The following PFDN2 variants were observed in gnomAD, a reference collection of about 807,000 sequenced individuals.
PFDN2 encodes prefoldin subunit 2.
In PFDN2, 7 loss-of-function variants were observed where a neutral mutation model predicts 18.3. The observed-to-expected ratio is 0.38, with a 90% CI of 0.22 to 0.72. The LOEUF (loss-of-function observed/expected upper bound fraction) is 0.72. PFDN2 is among the 30% of genes least tolerant of loss of function. The probability of loss-of-function intolerance (pLI) is 0.47; values close to 1 mark genes in which losing one functional copy is unlikely to be tolerated. For missense variants in PFDN2, 181 were observed against 199.1 expected (o/e 0.91, Z 0.55); for synonymous variants, 76 against 75.0 (o/e 1.01, Z -0.07).
At chr1:161,102,019 C>G in intron 3 of PFDN2, 29 bp downstream of exon 3, 1 of 1,613,260 alleles carries the variant, frequency 6.2e-7, no homozygotes, top group Non-Finnish European at 8.5e-7. Flanking sequence ...AGCCACTGTA[C>G]CCGATCCTAT....
chr1:161,117,210 C>T (rs1654973048), intron 1 of PFDN2, among the ~76,000 whole-genome samples: 1 of 152,234 alleles, frequency 6.6e-6, no homozygotes, highest in African/African-American at 2.4e-5. Context: ...TGCACTCCAG[C>T]CTGGGCGACA....
At chr1:161,106,662 C>G (rs1226784355) in intron 1 of PFDN2, among the ~76,000 whole-genome samples, 2 of 152,170 alleles carry the variant, frequency 1.3e-5, no homozygotes, top group Non-Finnish European at 2.9e-5. Flanking sequence ...TACTTGAACT[C>G]CTGATTCATC....
At chr1:161,108,960 C>T (rs1207398714) in intron 1 of PFDN2, among the ~76,000 whole-genome samples, 1 of 152,122 alleles carries the variant, frequency 6.6e-6, no homozygotes, top group East Asian at 1.9e-4. Context: ...TGATTTGCCC[C>T]CTTTAATCTA....
chr1:161,108,389 C>G (rs1392733499), intron 1 of PFDN2, among the ~76,000 whole-genome samples: 1 of 149,886 alleles, frequency 6.7e-6, no homozygotes, highest in Non-Finnish European at 1.5e-5. Context: ...ACCTGGGCGA[C>G]AGAGGTTGCG....
rs555019713 is a variant in PFDN2 at position 161,117,584 on chromosome 1, C to A, written c.75+368G>T. Among the ~76,000 whole-genome samples the A allele has an allele frequency of 4.4e-4, 67 of 152,280 alleles. 1 individual carries two copies. Among genetic ancestry groups the A allele is most frequent in the Admixed American group, 4.3e-3 (66 of 15,300 alleles). On this transcript the variant is annotated intron_variant, in intron 1 of 3. Transcript: ENST00000368010. ...CACGTAACAGACTACACAGCCAGCC[C>A]GTTAACTAATTCTCTAGGGTTAGTT...
Position 161,100,737 on chromosome 1 carries a change from T to C in PFDN2, c.411A>G (p.Glu137=), listed in dbSNP as rs145755905. The change falls in exon 4 of 4, where the codon GAA becomes GAG. Residue 137 remains glutamate (E), a synonymous_variant. Transcript: ENST00000368010. ...CCTTAGCCCCAGCCCCTTCTGAGTTTTCCTTGGCTGCTGGCTTCTCATCTT... is the reference window on the plus strand; with the variant it reads ...CCTTAGCCCCAGCCCCTTCTGAGTTCTCCTTGGCTGCTGGCTTCTCATCTT... ...MGEDEKPAAK[E]NSEGAGAKAS... is the part of the protein sequence containing the mutation. 7.9e-5 allele frequency: 128 copies of C among 1,614,192 alleles called. No homozygotes were observed. Among genetic ancestry groups the C allele is most frequent in the Non-Finnish European group, 9.9e-5 (117 of 1,180,014 alleles).
intron 1 of PFDN2, among the ~76,000 whole-genome samples, chr1:161,117,661 G>C (rs1037995814): frequency 2.0e-5 from 3 of 152,188 alleles, no homozygotes; most frequent in African/African-American, 4.8e-5. Context: ...AGGAGAGATA[G>C]AGAAAGCAGC....
chr1:161,109,572 CTA>C lies in PFDN2; in HGVS notation c.76-7199_76-7198del, dbSNP rs553307421. 1.1e-4 allele frequency among the ~76,000 whole-genome samples: 17 copies of C among 152,310 alleles called. No homozygotes were observed. The East Asian group carries it at 3.1e-3, about 28-fold the overall frequency. On this transcript the variant is annotated intron_variant, in intron 1 of 3. Coordinates refer to ENST00000368010, the MANE Select transcript of PFDN2 (RefSeq NM_012394.4). ...AGTCTCAAGAGTAAAGGAACACCTA[CTA>C]TATGCCAGGCACTGTGCTAGACTAT...
chr1:161,113,798 T>C (rs890265406), intron 1 of PFDN2, among the ~76,000 whole-genome samples: 1 of 152,146 alleles, frequency 6.6e-6, no homozygotes, highest in African/African-American at 2.4e-5. Context: ...TAACAGAAGG[T>C]AAAACAAGTG....
At chr1:161,106,882 T>G (rs773430264) in intron 1 of PFDN2, among the ~76,000 whole-genome samples, 1 of 152,248 alleles carries the variant, frequency 6.6e-6, no homozygotes, top group African/African-American at 2.4e-5. Flanking sequence ...CATGGCTCAG[T>G]GCAGCCTTGA....
chr1:161,110,725 T>C (rs1654785570), intron 1 of PFDN2, among the ~76,000 whole-genome samples: 2 of 152,128 alleles, frequency 1.3e-5, no homozygotes, highest in African/African-American at 4.8e-5. Flanking sequence ...CAGTGCCCCC[T>C]TTTCTGAAGA....
At chr1:161,102,907 A>G (rs577283180) in intron 1 of PFDN2, among the ~76,000 whole-genome samples, 3 of 151,630 alleles carry the variant, frequency 2.0e-5, no homozygotes, top group South Asian at 4.2e-4. Context: ...GCAGTGAGCC[A>G]AGATCGCACC....
intron 1 of PFDN2, among the ~76,000 whole-genome samples, chr1:161,102,775 T>C (rs530925071): frequency 5.3e-5 from 8 of 152,014 alleles, no homozygotes; most frequent in Non-Finnish European, 7.4e-5. Context: ...CTGGCCAACA[T>C]GGTGAAACTC....
intron 1 of PFDN2, among the ~76,000 whole-genome samples, chr1:161,113,632 T>C (rs950987674): frequency 5.9e-5 from 9 of 151,940 alleles, no homozygotes; most frequent in Non-Finnish European, 1.2e-4. Flanking sequence ...AATACAAAAA[T>C]TAGCTGGGCA....
At chr1:161,109,794 G>C (rs1418679341) in intron 1 of PFDN2, among the ~76,000 whole-genome samples, 1 of 152,200 alleles carries the variant, frequency 6.6e-6, no homozygotes, top group African/African-American at 2.4e-5. Context: ...AGGAGTTCGA[G>C]ACCAGTCTGG....
chr1:161,112,866 C>T (rs1249831593), intron 1 of PFDN2, among the ~76,000 whole-genome samples: 2 of 149,162 alleles, frequency 1.3e-5, no homozygotes, highest in African/African-American at 2.5e-5. Flanking sequence ...CAAACCAGTA[C>T]ATACTGTAGT....
Position 161,109,070 on chromosome 1 carries a change from T to G in PFDN2, c.76-6695A>C, listed in dbSNP as rs563944383. Among the ~76,000 whole-genome samples the G allele has an allele frequency of 1.6e-4, 24 of 152,262 alleles. 1 individual carries two copies. The South Asian group carries it at 5.0e-3, about 32-fold the overall frequency. ...GCTCACAGGATAAAATCTGAACTCC[T>G]CAAAAAGTCATATAAAGACCGGGTT... On this transcript the variant is annotated intron_variant, in intron 1 of 3. Coordinates refer to ENST00000368010, the MANE Select transcript of PFDN2 (RefSeq NM_012394.4).
intron 1 of PFDN2, among the ~76,000 whole-genome samples, chr1:161,109,055 T>C (rs1654746113): frequency 1.3e-5 from 2 of 152,200 alleles, no homozygotes; most frequent in Non-Finnish European, 2.9e-5. Flanking sequence ...GCTCACAGGA[T>C]AAAATCTGAA....
rs1324104070 is a variant in PFDN2 at position 161,107,532 on chromosome 1, AGGCCTGGCAT to A, written c.76-5167_76-5158del. Among the ~76,000 whole-genome samples the A allele has an allele frequency of 2.6e-5, 4 of 152,118 alleles. No homozygotes were observed. In the East Asian group the frequency reaches 7.7e-4, roughly 29 times the overall value. The stretch of plus-strand genomic sequence containing the variant: ...GTACCAATATAAAATCTCTTTGGAC[AGGCCTGGCAT>A]GGTGGCTCATGCCTGTAATTCCAGC... On this transcript the variant is annotated intron_variant, in intron 1 of 3. Coordinates refer to ENST00000368010, the MANE Select transcript of PFDN2 (RefSeq NM_012394.4).
Sources: allele counts gnomAD v4.1 joint callset (sites outside exome capture counted in the v4.1 genomes callset), GRCh38; gene constraint gnomAD v4.1.1; transcripts MANE v1.5; gene names NCBI Gene and HGNC (gene_info 2026-07-23, HGNC 2026-07-21).